The following ARPP21 variants were observed in gnomAD, a reference collection of about 807,000 sequenced individuals.
The protein encoded by ARPP21 is cAMP-regulated phosphoprotein 21.
In ARPP21, 69 loss-of-function variants were observed where a neutral mutation model predicts 113.2. The ratio of observed to expected loss-of-function variants is 0.61; its 90% CI spans 0.50 to 0.74. The LOEUF is 0.74. ARPP21 is among the 30% of genes least tolerant of loss of function. The pLI is 0.00. For synonymous variants in ARPP21, 368 were observed against 375.5 expected, an observed-to-expected ratio of 0.98 and a Z score of 0.23; for missense variants, 1,070 against 1,037.4, an observed-to-expected ratio of 1.03 and a Z score of -0.43.
At chr3:35,760,111 T>C (rs955572876) in intron 19 of ARPP21, among the ~76,000 whole-genome samples, 19 of 152,064 alleles carry the variant, frequency 1.2e-4, no homozygotes, top group African/African-American at 3.4e-4. Context: ...ACCCTAAAAA[T>C]GACATGCCAG....
intron 14 of ARPP21, among the ~76,000 whole-genome samples, chr3:35,722,897 A>C (rs2093228676): frequency 1.3e-5 from 2 of 152,208 alleles, no homozygotes; most frequent in South Asian, 4.1e-4. Context: ...CTAAAATCTC[A>C]GGAAGGTGAC....
At chr3:35,770,973 G>T (rs2096179538) in intron 19 of ARPP21, among the ~76,000 whole-genome samples, 1 of 152,152 alleles carries the variant, frequency 6.6e-6, no homozygotes, top group Non-Finnish European at 1.5e-5. Flanking sequence ...AAACATTAAG[G>T]TCATGAATTG....
chr3:35,681,080 AGGAGCTTGGGAGCTCG>A (rs2078760243), intron 2 of ARPP21: 1 of 151,882 alleles, frequency 6.6e-6, no homozygotes, highest in African/African-American at 2.4e-5. Flanking sequence ...AGCAACTGAC[AGGAGCTTGGGAGCTCG>A]GGAGCTTGGG....
At chr3:35,691,923 A>G (rs1439716673) in intron 9 of ARPP21, among the ~76,000 whole-genome samples, 5 of 151,568 alleles carry the variant, frequency 3.3e-5, no homozygotes, top group Non-Finnish European at 7.4e-5. Flanking sequence ...GCAGAGTATC[A>G]TGGTTAAAAT....
chr3:35,696,420 A>G (rs1355682138), intron 9 of ARPP21, among the ~76,000 whole-genome samples: 1 of 151,494 alleles, frequency 6.6e-6, no homozygotes, highest in Non-Finnish European at 1.5e-5. Context: ...AGATTTGTGT[A>G]TGTGACCAGT....
chr3:35,681,833 A>G lies in ARPP21; in HGVS notation c.82A>G (p.Ile28Val), dbSNP rs2079010612. ...GGAGACGGCCACTCCAGAGAACGGCATTGTTAAATCAGAAAGTCTGGATGA... is the reference window on the plus strand; with the variant it reads ...GGAGACGGCCACTCCAGAGAACGGCGTTGTTAAATCAGAAAGTCTGGATGA... ...EQETATPENGIVKSESLDEEE... is the reference protein window; with the variant it reads ...EQETATPENGVVKSESLDEEE... The change falls in exon 3 of 21, where the codon ATT becomes GTT. Residue 28 changes from isoleucine to valine, a missense_variant. Transcript: ENST00000684406. The G allele has an allele frequency of 6.2e-7, 1 of 1,612,250 alleles. No individual in the cohort carries two copies. Among genetic ancestry groups the G allele is most frequent in the Non-Finnish European group, 8.5e-7 (1 of 1,178,828 alleles).
intron 13 of ARPP21, among the ~76,000 whole-genome samples, chr3:35,717,889 T>G (rs985541498): frequency 6.6e-6 from 1 of 152,126 alleles, no homozygotes; most frequent in Non-Finnish European, 1.5e-5. Context: ...GGATGATAAT[T>G]TTTTTAAAGT....
chr3:35,688,494 T>C (rs1397972211), intron 6 of ARPP21, among the ~76,000 whole-genome samples: 1 of 151,562 alleles, frequency 6.6e-6, no homozygotes, highest in Non-Finnish European at 1.5e-5. Flanking sequence ...GTCCAAACTG[T>C]CCAAATTTTT....
chr3:35,726,428 A>G (rs951359854), intron 14 of ARPP21, among the ~76,000 whole-genome samples: 1 of 152,238 alleles, frequency 6.6e-6, no homozygotes, highest in African/African-American at 2.4e-5. Context: ...AATCCTGGCC[A>G]TATGTTGATT....
In ARPP21 at chr3:35,758,008, T is replaced by A. The variant is rs569477956; in HGVS notation, c.2137+14043T>A. Reference sequence around the variant, plus strand: ...AGAATAGAGGGACAATATACAGGAATCAACTGTGTTTTTACATACTTGTGG... The same window carrying A: ...AGAATAGAGGGACAATATACAGGAAACAACTGTGTTTTTACATACTTGTGG... On this transcript the variant is annotated intron_variant, in intron 19 of 20. Coordinates refer to ENST00000684406, the MANE Select transcript of ARPP21 (RefSeq NM_001385562.1). 3.3e-5 allele frequency among the ~76,000 whole-genome samples: 5 copies of A among 152,266 alleles called. No homozygotes were observed. The East Asian group carries it at 9.7e-4, about 29-fold the overall frequency.
At chr3:35,688,007 C>T (rs552584319) in intron 6 of ARPP21, 124 bp downstream of exon 6, 20 of 835,422 alleles carry the variant, frequency 2.4e-5, no homozygotes, top group East Asian at 5.8e-5. Flanking sequence ...TATACGTGTA[C>T]GTATCTGTGT....
In ARPP21 at chr3:35,739,375, A is replaced by G; in HGVS notation, c.1808A>G (p.Glu603Gly). 6.2e-7 allele frequency: 1 copy of G among 1,613,934 alleles called. No homozygotes were observed. The highest frequency in any genetic ancestry group is 8.5e-7 in the Non-Finnish European group (1 of 1,179,988). Reference protein sequence around the residue: ...QMTLSRQSSGETPEPPSGPVY... With the variant: ...QMTLSRQSSGGTPEPPSGPVY... ...ACCCTGAGCCGGCAGTCCTCGGGGGAGACTCCTGAACCCCCATCAGGTCCT... is the reference window on the plus strand; with the variant it reads ...ACCCTGAGCCGGCAGTCCTCGGGGGGGACTCCTGAACCCCCATCAGGTCCT... Residue 603 changes from glutamate (E) to glycine (G), a missense_variant, in exon 18 of 21, where the codon GAG becomes GGG. Coordinates refer to ENST00000684406, the MANE Select transcript of ARPP21 (RefSeq NM_001385562.1).
intron 1 of ARPP21, among the ~76,000 whole-genome samples, chr3:35,670,564 C>T (rs1283114128): frequency 6.6e-6 from 1 of 151,976 alleles, no homozygotes; most frequent in Non-Finnish European, 1.5e-5. Context: ...GATGACCAAC[C>T]ACATGATCTC....
chr3:35,720,993 T>C (rs866468047), intron 13 of ARPP21, among the ~76,000 whole-genome samples: 10 of 152,246 alleles, frequency 6.6e-5, no homozygotes, highest in African/African-American at 2.4e-4. Flanking sequence ...CCTCTGACCA[T>C]GAAGGTTAAA....
intron 9 of ARPP21, among the ~76,000 whole-genome samples, chr3:35,696,143 A>C (rs1448456099): frequency 6.6e-6 from 1 of 151,618 alleles, no homozygotes; most frequent in Admixed American, 6.6e-5. Flanking sequence ...ATACTTTAGA[A>C]AGGTTAGTCT....
chr3:35,667,660 A>G (rs752606324), intron 1 of ARPP21, among the ~76,000 whole-genome samples: 10 of 152,006 alleles, frequency 6.6e-5, no homozygotes, highest in Non-Finnish European at 1.5e-5. Context: ...AGAGAAAAAG[A>G]TATGTAAGAG....
chr3:35,646,745 G>A (rs1022088696), intron 1 of ARPP21, among the ~76,000 whole-genome samples: 1 of 151,766 alleles, frequency 6.6e-6, no homozygotes, highest in Admixed American at 6.6e-5. Flanking sequence ...CTGGCCTATA[G>A]GAATGATCAA....
chr3:35,673,770 G>T (rs2076892430), intron 1 of ARPP21, among the ~76,000 whole-genome samples: 7 of 151,732 alleles, frequency 4.6e-5, no homozygotes, highest in Admixed American at 4.6e-4. Context: ...TCCCATTTTG[G>T]CACCTCTAAC....
intron 9 of ARPP21, among the ~76,000 whole-genome samples, chr3:35,695,117 C>A (rs1165359446): frequency 6.6e-6 from 1 of 151,452 alleles, no homozygotes. Flanking sequence ...TACAAAACTA[C>A]TGCCACAGCA....
Sources: gnomAD v4.1 joint callset for allele counts (sites outside exome capture counted in the v4.1 genomes callset) on GRCh38, gnomAD v4.1.1 for gene constraint, MANE v1.5 for transcripts, NCBI Gene and HGNC (gene_info 2026-07-23, HGNC 2026-07-21) for gene names.